The following ATP2B3 variants were observed in gnomAD, a reference collection of about 807,000 sequenced individuals.
The protein encoded by ATP2B3 is ATPase plasma membrane Ca2+ transporting 3, also known as plasma membrane calcium-transporting ATPase 3.
A neutral mutation model predicts 70.8 loss-of-function variants in ATP2B3; 12 were observed. That is an observed-to-expected ratio of 0.17 (90% CI 0.11 to 0.27). The LOEUF is 0.27. Ranked by LOEUF, ATP2B3 falls within the 10% of genes least tolerant of loss-of-function variation. The pLI is 1.00. For synonymous variants in ATP2B3, 460 were observed against 497.8 expected, an observed-to-expected ratio of 0.92 and a Z score of 1.01; for missense variants, 858 against 1,118.5, an observed-to-expected ratio of 0.77 and a Z score of 3.32.
At chrX:153,537,536 TGGA>T (rs1557004670) in intron 3 of ATP2B3, among the ~76,000 whole-genome samples, 1 of 113,329 alleles carries the variant, frequency 8.8e-6, no homozygotes, top group East Asian at 2.8e-4. Context: ...GGAGTGAAGA[TGGA>T]GGAGGGGGGC....
intron 2 of ATP2B3, among the ~76,000 whole-genome samples, chrX:153,520,653 G>T (rs1185764026): frequency 1.8e-5 from 2 of 112,787 alleles, no homozygotes; most frequent in Non-Finnish European, 3.7e-5. Context: ...TGCGGCTGAG[G>T]CCCAGAGAGG....
chrX:153,542,072 T>TGGGGGGGGGGGGGGGGGGGGGG, intron 5 of ATP2B3, 146 bp downstream of exon 5: 1 of 76,947 alleles, frequency 1.3e-5, no homozygotes, highest in Non-Finnish European at 2.0e-5. Context: ...GTGGCGGGGG[T>TGGGGGGGGGGGGGGGGGGGGGG]GGGGGAGGTG....
At chrX:153,558,640 C>T (rs1557014944) in intron 17 of ATP2B3, among the ~76,000 whole-genome samples, 1 of 111,941 alleles carries the variant, frequency 8.9e-6, no homozygotes, top group Admixed American at 9.5e-5. Context: ...TATGGATTTG[C>T]CTGTTCCGGA....
intron 21 of ATP2B3, among the ~76,000 whole-genome samples, chrX:153,571,002 G>GCGCACA (rs782372965): frequency 2.6e-4 from 7 of 26,756 alleles, no homozygotes; most frequent in Non-Finnish European, 8.2e-4. Flanking sequence ...ACGTGCGCGC[G>GCGCACA]TACACACACA....
intron 21 of ATP2B3, among the ~76,000 whole-genome samples, chrX:153,570,793 T>C (rs903865954): frequency 1.8e-5 from 2 of 110,886 alleles, no homozygotes; most frequent in African/African-American, 3.3e-5. Context: ...CCCCTGCAGG[T>C]GGGAGTCCTT....
chrX:153,523,352 C>T (rs782144606), intron 2 of ATP2B3, among the ~76,000 whole-genome samples: 42 of 112,126 alleles, frequency 3.7e-4, no homozygotes, highest in African/African-American at 1.3e-3. Context: ...GATTGTAATT[C>T]GCTTAATTAT....
intron 21 of ATP2B3, among the ~76,000 whole-genome samples, chrX:153,568,819 G>A (rs1292183637): frequency 2.7e-5 from 3 of 112,807 alleles, no homozygotes. Flanking sequence ...ACATAGCACT[G>A]CAGGGCTCGG....
At chrX:153,527,220 C>T (rs868988857) in intron 2 of ATP2B3, among the ~76,000 whole-genome samples, 2 of 113,140 alleles carry the variant, frequency 1.8e-5, no homozygotes, top group Middle Eastern at 4.6e-3. Context: ...CTCCCATCCA[C>T]GTGCTCTCTG....
chrX:153,565,117 C>T lies in ATP2B3; in HGVS notation c.3342+14C>T. The T allele has an allele frequency of 1.7e-6, 2 of 1,162,433 alleles. No individual in the cohort carries two copies. Among genetic ancestry groups the T allele is most frequent in the South Asian group, 1.9e-5 (1 of 51,616 alleles). On this transcript the variant is annotated intron_variant, in intron 21 of 21. Transcript: ENST00000263519. ...ATTCAGACGCAGGTAAGCCCCGACTCGCTCTCGCCCTGGCACTTCCACCCC... is the reference window on the plus strand; with the variant it reads ...ATTCAGACGCAGGTAAGCCCCGACTTGCTCTCGCCCTGGCACTTCCACCCC...
At position 153,524,301 on chromosome X, in the gene ATP2B3, T is replaced by C. The variant is rs781913797; in HGVS notation, c.-127+5750T>C. Among the ~76,000 whole-genome samples the C allele has an allele frequency of 4.5e-5, 5 of 110,872 alleles. No individual in the cohort carries two copies. The South Asian group carries it at 1.9e-3, about 43-fold the overall frequency. ...TGCATTTTTAAGATACTTAACTCTTTAATTTAGGGATTAGCAAGCTTTTTC... is the reference window on the plus strand; with the variant it reads ...TGCATTTTTAAGATACTTAACTCTTCAATTTAGGGATTAGCAAGCTTTTTC... On this transcript the variant is annotated intron_variant, in intron 2 of 21. Transcript: ENST00000263519.
chrX:153,534,591 T>C (rs782584267), intron 2 of ATP2B3, among the ~76,000 whole-genome samples: 3 of 112,550 alleles, frequency 2.7e-5, no homozygotes, highest in African/African-American at 6.5e-5. Context: ...GTTGAGCACC[T>C]GTCCCAGCAC....
At chrX:153,544,008 C>T (rs1241381699) in intron 7 of ATP2B3, among the ~76,000 whole-genome samples, 3 of 113,111 alleles carry the variant, frequency 2.7e-5, no homozygotes, top group Non-Finnish European at 5.6e-5. Flanking sequence ...GAGCCCAAAG[C>T]TCCCTGGAGG....
In ATP2B3 at chrX:153,550,303, G is replaced by A. The variant is rs782374627; in HGVS notation, c.1823+17G>A. The A allele has an allele frequency of 8.3e-7, 1 of 1,209,799 alleles. No individual in the cohort carries two copies. Among genetic ancestry groups the A allele is most frequent in the East Asian group, 3.0e-5 (1 of 33,781 alleles). On this transcript the variant is annotated intron_variant, in intron 12 of 21. Transcript: ENST00000263519. Reference sequence around the variant, plus strand: ...CTTGAAAAAGTGAGTGAGCAGCAGGGAGGTGCCGGGGTACGCACGGAGTTT... The same window carrying A: ...CTTGAAAAAGTGAGTGAGCAGCAGGAAGGTGCCGGGGTACGCACGGAGTTT...
chrX:153,523,688 A>ATTTT (rs1198038269), intron 2 of ATP2B3, among the ~76,000 whole-genome samples: 2 of 59,230 alleles, frequency 3.4e-5, no homozygotes, highest in Admixed American at 2.6e-4. Flanking sequence ...TCCTCCCTTC[A>ATTTT]TTTTTTTTTT....
intron 19 of ATP2B3, among the ~76,000 whole-genome samples, chrX:153,561,777 A>C (rs1465582089): frequency 8.9e-6 from 1 of 112,800 alleles, no homozygotes; most frequent in African/African-American, 3.2e-5. Flanking sequence ...ATGCCTCCCG[A>C]GGAGGCAGGA....
intron 21 of ATP2B3, among the ~76,000 whole-genome samples, chrX:153,565,847 C>T (rs1389061890): frequency 1.8e-5 from 2 of 112,698 alleles, no homozygotes; most frequent in Non-Finnish European, 3.8e-5. Context: ...TCCCCAGAAA[C>T]GGCGCTCGCC....
rs183616032 is a variant in ATP2B3, at chrX:153,550,150, G to A, written c.1687G>A (p.Glu563Lys). 65 of 1,211,520 alleles carry A rather than the reference G, an allele frequency of 5.4e-5. No homozygotes were observed. Among genetic ancestry groups the A allele is most frequent in the Admixed American group, 3.3e-4 (15 of 46,049 alleles). The change falls in exon 12 of 22, where the codon GAG (glutamate) becomes AAG (lysine). Residue 563 changes from glutamate (E) to lysine (K), a missense_variant. Coordinates refer to ENST00000263519, the MANE Select transcript of ATP2B3 (RefSeq NM_001001344.3). ...GAAGCGGGACTTCCAGCCCGTGCGC[G>A]AGCAGATCCCGGAAGACAAGCTTTA... Reference protein sequence around the residue: ...DLKRDFQPVREQIPEDKLYKV... With the variant: ...DLKRDFQPVRKQIPEDKLYKV...
chrX:153,521,330 G>A (rs781961548), intron 2 of ATP2B3, among the ~76,000 whole-genome samples: 75 of 113,117 alleles, frequency 6.6e-4, no homozygotes, highest in Non-Finnish European at 1.3e-3. Flanking sequence ...AAGGATCAGA[G>A]CCACGCGTCA....
intron 5 of ATP2B3, 124 bp downstream of exon 5, chrX:153,542,050 A>G: frequency 4.4e-6 from 1 of 227,397 alleles, no homozygotes; most frequent in Admixed American, 1.4e-4. Context: ...CACCTGCCTT[A>G]GGAGGCGGGA....
Sources: allele counts gnomAD v4.1 joint callset (sites outside exome capture counted in the v4.1 genomes callset), GRCh38; gene constraint gnomAD v4.1.1; transcripts MANE v1.5; gene names NCBI Gene and HGNC (gene_info 2026-07-23, HGNC 2026-07-21).